ASPRV1: variants seen among roughly 807,000 people sequenced by gnomAD.
ASPRV1 encodes the protein retroviral-like aspartic protease 1.
Under a neutral mutation model 11.0 loss-of-function variants are expected in ASPRV1, and 7 were observed. That is an observed-to-expected ratio of 0.64 (90% CI 0.36 to 1.20). The LOEUF (loss-of-function observed/expected upper bound fraction) is 1.20, where lower values mean the gene tolerates loss of function less well. Among genes scored for constraint, ASPRV1 ranks in the 50% most tolerant of loss-of-function variants. The pLI is 0.02. For missense variants in ASPRV1, 299 were observed against 320.0 expected (o/e 0.93, Z 0.50); for synonymous variants, 136 against 138.4 (o/e 0.98, Z 0.12).
At chr2:70,019,839 T>G in the ASPRV1 span, among the ~76,000 whole-genome samples, 1 of 152,330 alleles carries the variant, frequency 6.6e-6, no homozygotes, top group Admixed American at 6.5e-5. Flanking sequence ...AGATCCACTG[T>G]ACATCATGCT....
At chr2:69,937,219 C>T in the ASPRV1 span, 103 of 1,611,960 alleles carry the variant, frequency 6.4e-5, no homozygotes, top group African/African-American at 1.3e-3. Flanking sequence ...CCAACAACTA[C>T]CCCTTTGACT....
chr2:69,947,299 C>CTT, the ASPRV1 span, among the ~76,000 whole-genome samples: 1 of 152,198 alleles, frequency 6.6e-6, no homozygotes, highest in Middle Eastern at 3.2e-3. Flanking sequence ...TGTCACCACA[C>CTT]TTTATAATGT....
At chr2:69,948,210 C>T in the ASPRV1 span, among the ~76,000 whole-genome samples, 5 of 152,202 alleles carry the variant, frequency 3.3e-5, no homozygotes, top group South Asian at 2.1e-4. Context: ...ATTGCACCAC[C>T]GCACTCCAGC....
At chr2:69,934,740 A>G in the ASPRV1 span, among the ~76,000 whole-genome samples, 1 of 152,222 alleles carries the variant, frequency 6.6e-6, no homozygotes, top group Admixed American at 6.5e-5. Flanking sequence ...TATCTGGAAA[A>G]TCTTTCCTAA....
the ASPRV1 span, chr2:69,993,404 A>G: frequency 1.3e-5 from 2 of 152,284 alleles, no homozygotes; most frequent in African/African-American, 4.8e-5. Flanking sequence ...GGATTTATTC[A>G]CAAACTCATG....
the ASPRV1 span, among the ~76,000 whole-genome samples, chr2:70,068,223 C>G: frequency 6.6e-6 from 1 of 152,222 alleles, no homozygotes; most frequent in Non-Finnish European, 1.5e-5. Flanking sequence ...TGCTGGCCTC[C>G]TGGCCAGCAG....
At chr2:69,977,452 G>A in the ASPRV1 span, among the ~76,000 whole-genome samples, 2 of 152,122 alleles carry the variant, frequency 1.3e-5, no homozygotes, top group East Asian at 1.9e-4. Context: ...AGATGCTGTC[G>A]AAAGATCACG....
the ASPRV1 span, chr2:69,976,399 CCA>C: frequency 6.6e-6 from 1 of 152,274 alleles, no homozygotes; most frequent in East Asian, 1.9e-4. Context: ...CCCTGAGGGC[CCA>C]GAGTCAGTGC....
the ASPRV1 span, among the ~76,000 whole-genome samples, chr2:69,996,308 T>C: frequency 4.0e-5 from 6 of 150,882 alleles, no homozygotes; most frequent in East Asian, 1.2e-3. Context: ...GGGAGAATTA[T>C]GTGAGCCCAG....
At chr2:69,963,807 A>G (rs994256643), upstream of ASPRV1, among the ~76,000 whole-genome samples, 3 of 152,130 alleles carry the variant, frequency 2.0e-5, no homozygotes, top group Admixed American at 6.5e-5. Context: ...AGGAGCTTCA[A>G]TGGCCTCAGG....
At chr2:69,943,581 G>A in the ASPRV1 span, among the ~76,000 whole-genome samples, 1 of 152,178 alleles carries the variant, frequency 6.6e-6, no homozygotes, top group East Asian at 1.9e-4. Flanking sequence ...AGAGGAGAGA[G>A]GCATTGGCTG....
chr2:69,932,811 T>C, the ASPRV1 span, among the ~76,000 whole-genome samples: 1 of 152,160 alleles, frequency 6.6e-6, no homozygotes. Flanking sequence ...TAAACCAACA[T>C]CATAAAAGTA....
the ASPRV1 span, among the ~76,000 whole-genome samples, chr2:70,035,695 T>A: frequency 1.3e-5 from 2 of 150,922 alleles, no homozygotes; most frequent in Admixed American, 6.6e-5. Context: ...AATGAGTCAG[T>A]TAAATAATTT....
At chr2:70,003,407 C>G in the ASPRV1 span, 1 of 152,280 alleles carries the variant, frequency 6.6e-6, no homozygotes, top group Admixed American at 6.5e-5. Context: ...CCAAGGTGAA[C>G]AGGACACAAG....
At chr2:70,040,641 C>G in the ASPRV1 span, among the ~76,000 whole-genome samples, 2 of 152,122 alleles carry the variant, frequency 1.3e-5, no homozygotes, top group Non-Finnish European at 2.9e-5. Context: ...CAAGACCAGC[C>G]TGGCCAAGAT....
chr2:70,080,207 G>C, the ASPRV1 span, among the ~76,000 whole-genome samples: 22 of 149,960 alleles, frequency 1.5e-4, no homozygotes, highest in African/African-American at 5.4e-4. Context: ...AGAGAGAAAG[G>C]AGTAGGCTGT....
At chr2:69,937,503 G>T in the ASPRV1 span, 459 of 1,093,276 alleles carry the variant, frequency 4.2e-4, 1 homozygote, top group African/African-American at 6.0e-3. Flanking sequence ...AAGACACTGG[G>T]TATGATGTAG....
At chr2:70,056,136 T>C in the ASPRV1 span, 4 of 152,082 alleles carry the variant, frequency 2.6e-5, no homozygotes, top group South Asian at 2.1e-4. Flanking sequence ...GGTAGTAAAG[T>C]ATCCAAATTC....
At chr2:70,031,333 T>C in the ASPRV1 span, 15 of 152,166 alleles carry the variant, frequency 9.9e-5, no homozygotes, top group African/African-American at 3.6e-4. Flanking sequence ...ATGGCACTGA[T>C]TAGTTAAAAC....
Sources: allele counts gnomAD v4.1 joint callset (sites outside exome capture counted in the v4.1 genomes callset), GRCh38; gene constraint gnomAD v4.1.1; transcripts MANE v1.5; gene names NCBI Gene and HGNC (gene_info 2026-07-23, HGNC 2026-07-21).